Variants in UBASH3A observed in about 807,000 individuals in gnomAD.
The protein encoded by UBASH3A is ubiquitin associated and SH3 domain containing A, also known as ubiquitin-associated and SH3 domain-containing protein A.
In UBASH3A, 63 loss-of-function variants were observed where a neutral mutation model predicts 73.5. That is an observed-to-expected ratio of 0.86 (90% CI 0.70 to 1.06). The LOEUF (loss-of-function observed/expected upper bound fraction) is 1.06, where lower values mean the gene tolerates loss of function less well. Among genes scored for constraint, UBASH3A ranks in the 50% least tolerant of loss-of-function variants. UBASH3A has a pLI of 0.00. For missense variants in UBASH3A, 860 were observed against 859.0 expected (o/e 1.00, Z -0.02); for synonymous variants, 363 against 351.1 (o/e 1.03, Z -0.38).
intron 5 of UBASH3A, among the ~76,000 whole-genome samples, chr21:42,415,288 G>A (rs1393324979): frequency 1.3e-5 from 2 of 152,144 alleles, no homozygotes; most frequent in Admixed American, 6.5e-5. Flanking sequence ...GGTCCTCCCC[G>A]ACTGCTAAAA....
At chr21:42,412,402 C>T in intron 3 of UBASH3A, among the ~76,000 whole-genome samples, 1 of 152,158 alleles carries the variant, frequency 6.6e-6, no homozygotes, top group South Asian at 2.1e-4. Context: ...AGGCTCAGGT[C>T]CTCCAGGGAG....
At chr21:42,431,444 G>C (rs1302300729) in intron 8 of UBASH3A, among the ~76,000 whole-genome samples, 1 of 152,272 alleles carries the variant, frequency 6.6e-6, no homozygotes, top group Non-Finnish European at 1.5e-5. Context: ...GCTGTCCCTG[G>C]CTCGAAGCTG....
intron 7 of UBASH3A, among the ~76,000 whole-genome samples, chr21:42,426,067 G>A (rs1329749159): frequency 6.6e-6 from 1 of 152,174 alleles, no homozygotes; most frequent in Non-Finnish European, 1.5e-5. Context: ...AATTTGCAGG[G>A]CAGGCTGGCA....
At chr21:42,436,025 T>C (rs2053622292) in intron 10 of UBASH3A, among the ~76,000 whole-genome samples, 1 of 109,468 alleles carries the variant, frequency 9.1e-6, no homozygotes, top group Non-Finnish European at 1.8e-5. Context: ...AGTTATAGAG[T>C]CATAAAATTA....
chr21:42,416,798 C>T (rs3746927), intron 6 of UBASH3A, among the ~76,000 whole-genome samples, 187 bp downstream of exon 6: 27,300 of 152,010 alleles, frequency 0.18, 3,197 homozygotes, highest in African/African-American at 0.32. Flanking sequence ...CCAGGCACGG[C>T]GGCGGGCACC....
intron 11 of UBASH3A, 141 bp from the exon 12 acceptor site, chr21:42,442,311 T>C: frequency 1.1e-6 from 1 of 902,806 alleles, no homozygotes; most frequent in Non-Finnish European, 1.7e-6. Flanking sequence ...CAGAACGGTA[T>C]TTGCCAAGAA....
chr21:42,428,989 G>A (rs1289031650), intron 8 of UBASH3A, among the ~76,000 whole-genome samples: 1 of 152,142 alleles, frequency 6.6e-6, no homozygotes, highest in Admixed American at 6.5e-5. Flanking sequence ...TGAGTGGAGG[G>A]TCTTGAAATG....
At chr21:42,431,247 A>C (rs1462717834) in intron 8 of UBASH3A, among the ~76,000 whole-genome samples, 1 of 152,158 alleles carries the variant, frequency 6.6e-6, no homozygotes, top group Non-Finnish European at 1.5e-5. Flanking sequence ...GCCCCCCACA[A>C]CACCATCCCA....
At chr21:42,424,422 A>G (rs1039316332) in intron 7 of UBASH3A, among the ~76,000 whole-genome samples, 1 of 152,150 alleles carries the variant, frequency 6.6e-6, no homozygotes, top group African/African-American at 2.4e-5. Context: ...GCAAAATCAC[A>G]CTGTAATGTT....
intron 1 of UBASH3A, among the ~76,000 whole-genome samples, chr21:42,404,659 A>G (rs1202021144): frequency 6.6e-6 from 1 of 152,206 alleles, no homozygotes; most frequent in Non-Finnish European, 1.5e-5. Context: ...TCTAACGTGA[A>G]AGGCCCCAAA....
chr21:42,446,291 G>T (rs983629954), intron 14 of UBASH3A, among the ~76,000 whole-genome samples: 9 of 152,058 alleles, frequency 5.9e-5, no homozygotes, highest in South Asian at 2.1e-4. Context: ...AAATACAAAG[G>T]GGGGGCTCTA....
In UBASH3A at chr21:42,442,597, G is replaced by A. The variant is rs780812820; in HGVS notation, c.1631+1G>A. On this transcript the variant is annotated splice_donor_variant, in intron 12 of 14. Coordinates refer to ENST00000319294, the MANE Select transcript of UBASH3A (RefSeq NM_018961.4). LOFTEE classifies it high-confidence loss of function. ...ATTTCAACATTGACACTGATTACAG[G>A]TATGCTGTTCTAAAGTTCTCTGCCA... 1 of 1,605,910 alleles carries A rather than the reference G, an allele frequency of 6.2e-7. No individual in the cohort carries two copies. The highest frequency in any genetic ancestry group is 8.5e-7 in the Non-Finnish European group (1 of 1,177,828).
intron 9 of UBASH3A, among the ~76,000 whole-genome samples, chr21:42,434,190 A>G (rs1244826928): frequency 6.6e-6 from 1 of 152,022 alleles, no homozygotes; most frequent in African/African-American, 2.4e-5. Flanking sequence ...CCTGTTTTTT[A>G]CTGATAAGAG....
rs764539311 is a variant in UBASH3A, at chr21:42,418,429, C to A, written c.866C>A (p.Pro289His). 1 of 1,614,188 alleles carries A rather than the reference C, an allele frequency of 6.2e-7. No homozygotes were observed. The highest frequency in any genetic ancestry group is 2.2e-5 in the East Asian group (1 of 44,882). The change falls in exon 7 of 15, where the codon CCC becomes CAC. Residue 289 changes from proline to histidine, a missense_variant. Transcript: ENST00000319294. Reference sequence around the variant, plus strand: ...CTGAGAGCCCTATTCCAGTACAAACCCCAGAACGTGGATGAGCTGACGCTA... The same window carrying A: ...CTGAGAGCCCTATTCCAGTACAAACACCAGAACGTGGATGAGCTGACGCTA... ...QTLRALFQYK[P>H]QNVDELTLSP...
At chr21:42,412,037 G>A (rs1168243312) in intron 3 of UBASH3A, among the ~76,000 whole-genome samples, 4 of 152,198 alleles carry the variant, frequency 2.6e-5, no homozygotes, top group Non-Finnish European at 4.4e-5. Context: ...AGGGCAGCCC[G>A]GTGCTGGGAA....
intron 8 of UBASH3A, 86 bp downstream of exon 8, chr21:42,426,906 G>T: frequency 2.0e-6 from 3 of 1,515,174 alleles, no homozygotes; most frequent in Non-Finnish European, 2.7e-6. Context: ...AGCTTCGTAG[G>T]TGTAGCTTTT....
intron 8 of UBASH3A, among the ~76,000 whole-genome samples, chr21:42,427,227 G>T (rs1300730833): frequency 6.6e-6 from 1 of 152,176 alleles, no homozygotes; most frequent in African/African-American, 2.4e-5. Flanking sequence ...GGGCACAGCA[G>T]GGCACCCCGA....
intron 7 of UBASH3A, among the ~76,000 whole-genome samples, chr21:42,423,387 C>G (rs1315920794): frequency 6.6e-6 from 1 of 152,216 alleles, no homozygotes; most frequent in African/African-American, 2.4e-5. Flanking sequence ...GACTCGGGCC[C>G]AGGAGGCCAG....
chr21:42,406,406 T>C (rs374773212), intron 2 of UBASH3A, 45 bp downstream of exon 2: 129 of 1,542,862 alleles, frequency 8.4e-5, no homozygotes, highest in Admixed American at 8.3e-5. Flanking sequence ...TTGGGCTGAA[T>C]TCCCTGTGCC....
Sources: allele counts gnomAD v4.1 joint callset (sites outside exome capture counted in the v4.1 genomes callset), GRCh38; gene constraint gnomAD v4.1.1; transcripts MANE v1.5; gene names NCBI Gene and HGNC (gene_info 2026-07-23, HGNC 2026-07-21).